HS6ST2: variants seen among roughly 807,000 people sequenced by gnomAD.
The protein encoded by HS6ST2 is heparan sulfate 6-O-sulfotransferase 2.
In HS6ST2, 17 loss-of-function variants were observed where a neutral mutation model predicts 33.0. That is an observed-to-expected ratio of 0.52 (90% CI 0.35 to 0.77). The LOEUF (loss-of-function observed/expected upper bound fraction) is 0.77, where lower values mean the gene tolerates loss of function less well. Among genes scored for constraint, HS6ST2 ranks in the 30% least tolerant of loss-of-function variants. The probability of loss-of-function intolerance (pLI) is 0.01; values close to 1 mark genes in which losing one functional copy is unlikely to be tolerated. For missense variants in HS6ST2, 519 were observed against 551.7 expected (o/e 0.94, Z 0.59); for synonymous variants, 248 against 237.1 (o/e 1.05, Z -0.42).
chrX:132,647,310 C>T (rs1444978368), intron 4 of HS6ST2, among the ~76,000 whole-genome samples: 3 of 111,122 alleles, frequency 2.7e-5, no homozygotes, highest in Middle Eastern at 4.6e-3. Context: ...CTTTCTCCCC[C>T]TCTATCTTCT....
intron 2 of HS6ST2, among the ~76,000 whole-genome samples, chrX:132,727,356 G>T (rs2148272766): frequency 9.0e-6 from 1 of 110,909 alleles, no homozygotes; most frequent in South Asian, 3.9e-4. Context: ...GAATTCAAGG[G>T]TGAATAAGAC....
chrX:132,932,755 A>G, intron 2 of HS6ST2, among the ~76,000 whole-genome samples: 2 of 108,858 alleles, frequency 1.8e-5, no homozygotes, highest in East Asian at 5.7e-4. Flanking sequence ...GAAGTAAAGG[A>G]AGGTATAATG....
chrX:132,798,842 T>C (rs982866419), intron 2 of HS6ST2, among the ~76,000 whole-genome samples: 5 of 111,444 alleles, frequency 4.5e-5, no homozygotes, highest in African/African-American at 1.6e-4. Flanking sequence ...TTACATACCT[T>C]CACAGTAGCA....
intron 2 of HS6ST2, among the ~76,000 whole-genome samples, chrX:132,903,888 G>A (rs2066447818): frequency 8.9e-6 from 1 of 111,913 alleles, no homozygotes; most frequent in African/African-American, 3.2e-5. Flanking sequence ...TGCAGTAATT[G>A]ATATGCTCAT....
At chrX:132,731,252 C>T in intron 2 of HS6ST2, among the ~76,000 whole-genome samples, 1 of 111,780 alleles carries the variant, frequency 8.9e-6, no homozygotes. Flanking sequence ...GGTGAGGGAG[C>T]ATTCAGAAAT....
At chrX:132,812,044 A>G (rs1465438444) in intron 2 of HS6ST2, among the ~76,000 whole-genome samples, 1 of 109,136 alleles carries the variant, frequency 9.2e-6, no homozygotes, top group Non-Finnish European at 1.9e-5. Flanking sequence ...TTATATTCCC[A>G]CCAGCAGTGC....
At chrX:132,908,064 T>A (rs1431897475) in intron 2 of HS6ST2, among the ~76,000 whole-genome samples, 1 of 112,231 alleles carries the variant, frequency 8.9e-6, no homozygotes. Flanking sequence ...TATAACTCAA[T>A]AACTTAAGAC....
At chrX:132,706,155 G>C (rs1052297055) in intron 3 of HS6ST2, among the ~76,000 whole-genome samples, 1 of 110,989 alleles carries the variant, frequency 9.0e-6, no homozygotes, top group East Asian at 2.8e-4. Context: ...TGAAAAAGGA[G>C]GGAGTGTGAC....
intron 2 of HS6ST2, among the ~76,000 whole-genome samples, chrX:132,923,057 T>A (rs2066670285): frequency 1.4e-5 from 1 of 72,760 alleles, no homozygotes. Flanking sequence ...AGCTGGACTC[T>A]GTCTCAAAAA....
intron 2 of HS6ST2, among the ~76,000 whole-genome samples, chrX:132,904,568 C>G (rs2066454297): frequency 9.7e-6 from 1 of 103,457 alleles, no homozygotes; most frequent in African/African-American, 3.6e-5. Context: ...TGTATAGAGA[C>G]AGGGTCTCAC....
chrX:132,876,325 C>T (rs918287662), intron 2 of HS6ST2, among the ~76,000 whole-genome samples: 1 of 111,930 alleles, frequency 8.9e-6, no homozygotes, highest in African/African-American at 3.2e-5. Flanking sequence ...ACACAGGCAT[C>T]AGGTGCTAAG....
At chrX:132,677,799 G>A (rs1199378601) in intron 3 of HS6ST2, among the ~76,000 whole-genome samples, 2 of 112,020 alleles carry the variant, frequency 1.8e-5, no homozygotes, top group Non-Finnish European at 3.8e-5. Flanking sequence ...AAGCAGCCCT[G>A]GTGTTGTGGA....
chrX:132,774,900 C>T (rs772415162), intron 2 of HS6ST2, among the ~76,000 whole-genome samples: 3 of 110,431 alleles, frequency 2.7e-5, no homozygotes, highest in African/African-American at 6.6e-5. Flanking sequence ...AGGCTGGTCT[C>T]GAGCTTCTGA....
intron 3 of HS6ST2, among the ~76,000 whole-genome samples, chrX:132,701,717 A>G (rs1043921248): frequency 8.9e-6 from 1 of 111,898 alleles, no homozygotes; most frequent in Non-Finnish European, 1.9e-5. Flanking sequence ...GGCTTTAACT[A>G]GGTGCTGAGG....
intron 2 of HS6ST2, among the ~76,000 whole-genome samples, chrX:132,926,898 G>C (rs1194511488): frequency 1.8e-5 from 2 of 111,416 alleles, no homozygotes; most frequent in Non-Finnish European, 3.8e-5. Context: ...ACTCCAGCTT[G>C]GGTGACGGAG....
chrX:132,699,729 G>A (rs775601537), intron 3 of HS6ST2, among the ~76,000 whole-genome samples: 2 of 111,903 alleles, frequency 1.8e-5, no homozygotes, highest in Middle Eastern at 4.2e-3. Context: ...TCTAAAAGGT[G>A]TGAGTCAGAA....
At chrX:132,675,142 G>T (rs1380399379) in intron 3 of HS6ST2, among the ~76,000 whole-genome samples, 1 of 111,178 alleles carries the variant, frequency 9.0e-6, no homozygotes, top group Non-Finnish European at 1.9e-5. Context: ...GACGGATTCA[G>T]TTTGGGGCCT....
At chrX:132,886,598 G>T (rs770435334) in intron 2 of HS6ST2, among the ~76,000 whole-genome samples, 8 of 110,407 alleles carry the variant, frequency 7.2e-5, no homozygotes, top group African/African-American at 2.3e-4. Context: ...TCCCAAGTAG[G>T]ATTAATACAA....
chrX:132,774,721 C>T (rs1269776317), intron 2 of HS6ST2, among the ~76,000 whole-genome samples: 1 of 110,857 alleles, frequency 9.0e-6, no homozygotes, highest in Non-Finnish European at 1.9e-5. Flanking sequence ...CGCTCTGTCG[C>T]CCAGGCTGGA....
Sources: allele counts gnomAD v4.1 joint callset (sites outside exome capture counted in the v4.1 genomes callset), GRCh38; gene constraint gnomAD v4.1.1; transcripts MANE v1.5; gene names NCBI Gene and HGNC (gene_info 2026-07-23, HGNC 2026-07-21).